The following ATP6V0A1 variants were observed in gnomAD, a reference collection of about 807,000 sequenced individuals.
The protein encoded by ATP6V0A1 is ATPase H+ transporting V0 subunit a1.
Under a neutral mutation model 105.4 loss-of-function variants are expected in ATP6V0A1, and 43 were observed. The observed-to-expected ratio is 0.41, with a 90% CI of 0.32 to 0.53. The LOEUF is 0.53. Among genes scored for constraint, ATP6V0A1 ranks in the 20% least tolerant of loss-of-function variants. ATP6V0A1 has a pLI of 0.30. For missense variants in ATP6V0A1, 676 were observed against 1,051.1 expected, an observed-to-expected ratio of 0.64 and a Z score of 4.93; for synonymous variants, 362 against 372.8, an observed-to-expected ratio of 0.97 and a Z score of 0.33.
Position 42,478,484 on chromosome 17 carries a change from C to T in ATP6V0A1, c.528C>T (p.Asn176=), listed in dbSNP as rs770195864. 4 of 1,608,766 alleles carry T rather than the reference C, an allele frequency of 2.5e-6. No individual in the cohort carries two copies. The highest frequency in any genetic ancestry group is 3.4e-6 in the Non-Finnish European group (4 of 1,176,978). ...LRLGFVAGVI[N]RERIPTFERM... is the part of the protein sequence containing the mutation. ...ACAGCTTCGTGGCTGGTGTCATTAA[C>T]CGGGAGCGCATCCCTACTTTTGAGC... The change falls in exon 7 of 22, where the codon AAC becomes AAT. Residue 176 remains asparagine, a synonymous_variant. Coordinates refer to ENST00000343619, the MANE Select transcript of ATP6V0A1 (RefSeq NM_001130021.3).
rs183700958 is a variant in ATP6V0A1, at chr17:42,491,342, G to A, written c.1174+705G>A. On this transcript the variant is annotated intron_variant, in intron 11 of 21. Transcript: ENST00000343619. ...TTAATTTTTTTTGAGACGGAGTCTC[G>A]CTGTGTCACCCATGCTGGAGTGCAG... Among the ~76,000 whole-genome samples, 490 of 152,012 alleles carry A rather than the reference G, an allele frequency of 3.2e-3. 3 individuals are homozygous for A. The highest frequency in any genetic ancestry group is 0.01 in the African/African-American group (432 of 41,480).
chr17:42,489,996 C>T (rs921238336), intron 10 of ATP6V0A1, among the ~76,000 whole-genome samples: 2 of 152,116 alleles, frequency 1.3e-5, no homozygotes, highest in African/African-American at 2.4e-5. Flanking sequence ...ATGTCAGGGG[C>T]GTGCATGGGG....
At chr17:42,477,798 T>A in intron 6 of ATP6V0A1, 56 bp downstream of exon 6, 3 of 1,415,104 alleles carry the variant, frequency 2.1e-6, no homozygotes, top group Non-Finnish European at 3.0e-6. Flanking sequence ...TCTCTTCTGT[T>A]CAGAAGAGCA....
chr17:42,483,602 G>A (rs2089786222), intron 9 of ATP6V0A1, among the ~76,000 whole-genome samples: 1 of 151,974 alleles, frequency 6.6e-6, no homozygotes, highest in East Asian at 1.9e-4. Context: ...ATTTTTTTGA[G>A]ATGGAGTCTT....
chr17:42,484,119 G>A (rs934512443), intron 9 of ATP6V0A1, among the ~76,000 whole-genome samples: 2 of 151,958 alleles, frequency 1.3e-5, no homozygotes, highest in Non-Finnish European at 2.9e-5. Context: ...GTGCAGTGGC[G>A]CGATCTCGGC....
At chr17:42,462,718 C>A (rs1026895330) in intron 2 of ATP6V0A1, among the ~76,000 whole-genome samples, 10 of 151,942 alleles carry the variant, frequency 6.6e-5, no homozygotes, top group Non-Finnish European at 1.3e-4. Flanking sequence ...CCATACCTGG[C>A]CAACAGATAT....
At chr17:42,474,367 A>G (rs1173936585) in intron 5 of ATP6V0A1, among the ~76,000 whole-genome samples, 3 of 151,778 alleles carry the variant, frequency 2.0e-5, no homozygotes, top group African/African-American at 7.3e-5. Flanking sequence ...AGAGCACAAG[A>G]CCGTGGCTAT....
chr17:42,468,989 C>G (rs2087490033), intron 4 of ATP6V0A1, among the ~76,000 whole-genome samples: 2 of 151,956 alleles, frequency 1.3e-5, no homozygotes, highest in African/African-American at 4.8e-5. Context: ...GAGACGATAG[C>G]TGTGTGCCAA....
chr17:42,512,350 A>C (rs1421931557), intron 19 of ATP6V0A1, among the ~76,000 whole-genome samples: 1 of 152,208 alleles, frequency 6.6e-6, no homozygotes, highest in Non-Finnish European at 1.5e-5. Context: ...ATTGGCTGTA[A>C]GGGAGCCCAG....
At chr17:42,486,151 G>T (rs2090086914) in intron 9 of ATP6V0A1, among the ~76,000 whole-genome samples, 1 of 152,124 alleles carries the variant, frequency 6.6e-6, no homozygotes, top group African/African-American at 2.4e-5. Flanking sequence ...GTTGGCTCAT[G>T]CCTGTAATCC....
intron 2 of ATP6V0A1, among the ~76,000 whole-genome samples, chr17:42,462,599 T>A (rs1339104116): frequency 6.6e-6 from 1 of 151,970 alleles, no homozygotes; most frequent in Non-Finnish European, 1.5e-5. Flanking sequence ...TTTGTATTTT[T>A]AGTAGAGACG....
chr17:42,497,282 A>G (rs2091267579), intron 14 of ATP6V0A1, among the ~76,000 whole-genome samples: 1 of 148,322 alleles, frequency 6.7e-6, no homozygotes, highest in African/African-American at 2.5e-5. Flanking sequence ...CCTGGGTGAC[A>G]GAGTGAAGAC....
chr17:42,514,260 C>T, intron 20 of ATP6V0A1, 29 bp from the exon 21 acceptor site: 1 of 1,554,420 alleles, frequency 6.4e-7, no homozygotes, highest in Non-Finnish European at 8.7e-7. Context: ...TGCCAAACTG[C>T]ACTGGATTTT....
chr17:42,520,804 G>A, intron 21 of ATP6V0A1: 1 of 539,178 alleles, frequency 1.9e-6, no homozygotes, highest in Non-Finnish European at 3.4e-6. Flanking sequence ...GCAGGACAGA[G>A]CAAGATTGGG....
intron 9 of ATP6V0A1, among the ~76,000 whole-genome samples, chr17:42,484,705 C>A (rs2089924342): frequency 6.6e-6 from 1 of 151,908 alleles, no homozygotes; most frequent in Non-Finnish European, 1.5e-5. Flanking sequence ...GGGCTTTGTT[C>A]CCTTTGAAAG....
At chr17:42,479,374 C>T (rs936311964) in intron 7 of ATP6V0A1, among the ~76,000 whole-genome samples, 1 of 152,122 alleles carries the variant, frequency 6.6e-6, no homozygotes, top group Non-Finnish European at 1.5e-5. Flanking sequence ...GATGATCTTC[C>T]CCACCCAGTA....
chr17:42,501,132 G>A, intron 16 of ATP6V0A1, 65 bp from the exon 17 acceptor site: 1 of 1,362,572 alleles, frequency 7.3e-7, no homozygotes, highest in South Asian at 1.2e-5. Flanking sequence ...TGCCATATTT[G>A]GAAACTGCGT....
intron 21 of ATP6V0A1, among the ~76,000 whole-genome samples, chr17:42,515,202 C>T (rs1194713424): frequency 6.6e-6 from 1 of 152,060 alleles, no homozygotes; most frequent in African/African-American, 2.4e-5. Context: ...CACGGTGGCT[C>T]ATGCCTGTAA....
At chr17:42,475,627 C>G (rs374873255) in intron 5 of ATP6V0A1, among the ~76,000 whole-genome samples, 1 of 152,122 alleles carries the variant, frequency 6.6e-6, no homozygotes, top group East Asian at 1.9e-4. Flanking sequence ...AGATCAGACA[C>G]CCCTGCTCTA....
Sources: gnomAD v4.1 joint callset for allele counts (sites outside exome capture counted in the v4.1 genomes callset) on GRCh38, gnomAD v4.1.1 for gene constraint, MANE v1.5 for transcripts, NCBI Gene and HGNC (gene_info 2026-07-23, HGNC 2026-07-21) for gene names.